Variants in TRPS1 observed in about 807,000 individuals in gnomAD.
TRPS1 encodes transcriptional repressor GATA binding 1, also known as zinc finger transcription factor Trps1.
Under a neutral mutation model 101.2 loss-of-function variants are expected in TRPS1, and 6 were observed. The observed-to-expected ratio is 0.06, with a 90% CI of 0.03 to 0.12. The LOEUF (loss-of-function observed/expected upper bound fraction) is 0.12, where lower values mean the gene tolerates loss of function less well. TRPS1 is among the 10% of genes least tolerant of loss of function. The pLI is 1.00. For synonymous variants in TRPS1, 578 were observed against 589.8 expected (o/e 0.98, Z 0.29); for missense variants, 1,363 against 1,567.0 (o/e 0.87, Z 2.20).
At chr8:115,458,719 G>C (rs1432064948) in intron 5 of TRPS1, among the ~76,000 whole-genome samples, 1 of 152,206 alleles carries the variant, frequency 6.6e-6, no homozygotes, top group Non-Finnish European at 1.5e-5. Context: ...ACAGAACACA[G>C]AATCAGCATG....
rs1334914415 is a variant in TRPS1 at position 115,409,272 on chromosome 8, A to AAACAAAAC, written c.*4750_*4751insGTTTTGTT. 4 of 149,222 alleles carry AAACAAAAC rather than the reference A, an allele frequency of 2.7e-5. No homozygotes were observed. Among genetic ancestry groups the AAACAAAAC allele is most frequent in the African/African-American group, 9.9e-5 (4 of 40,460 alleles). 9.2% of individuals were successfully genotyped at this position (149,222 alleles called of 1,614,324 possible). A position where few individuals can be genotyped will look rare whatever the true frequency, so the allele number is the denominator to read the frequency against. The stretch of plus-strand genomic sequence containing the variant: ...AGTTTATATGTTGGGAAAAAAAAAA[A>AAACAAAAC]AAAAAAAAACAGGGGAAAACCAGAA... On this transcript the variant is annotated 3_prime_UTR_variant, in exon 7 of 7. Coordinates refer to ENST00000395715, the MANE Select transcript of TRPS1 (RefSeq NM_014112.5).
chr8:115,534,062 A>C (rs1816218643), intron 5 of TRPS1, among the ~76,000 whole-genome samples: 1 of 149,612 alleles, frequency 6.7e-6, no homozygotes, highest in South Asian at 2.1e-4. Context: ...CTGGGGATTG[A>C]AGATCTAACC....
intron 1 of TRPS1, among the ~76,000 whole-genome samples, chr8:115,628,661 A>AT (rs1818566908): frequency 6.6e-6 from 1 of 151,918 alleles, no homozygotes; most frequent in African/African-American, 2.4e-5. Flanking sequence ...ACAGGCTTAG[A>AT]AAGCTTCAAC....
intron 5 of TRPS1, among the ~76,000 whole-genome samples, chr8:115,540,537 A>T (rs956988027): frequency 2.6e-5 from 4 of 152,100 alleles, no homozygotes; most frequent in African/African-American, 9.6e-5. Context: ...ATTACTGCAG[A>T]ATTCATCTTA....
Position 115,587,324 on chromosome 8 carries a change from C to G in TRPS1, c.2377G>C (p.Val793Leu). The G allele has an allele frequency of 1.2e-6, 2 of 1,614,226 alleles. No homozygotes were observed. The highest frequency in any genetic ancestry group is 1.7e-6 in the Non-Finnish European group (2 of 1,180,034). ...LEEKDGLKEK[V>L]WTESSSDDLR... The stretch of plus-strand genomic sequence containing the variant: ...TCATCACTGGAACTCTCGGTCCAAA[C>G]TTTCTCTTTGAGCCCGTCCTTCTCT... Residue 793 changes from valine (V) to leucine (L), a missense_variant, in exon 5 of 7, where the codon GTT becomes CTT. Transcript: ENST00000395715.
intron 5 of TRPS1, among the ~76,000 whole-genome samples, chr8:115,577,674 C>T (rs933258385): frequency 1.3e-5 from 2 of 151,720 alleles, no homozygotes; most frequent in Non-Finnish European, 2.9e-5. Flanking sequence ...GCATCAATAA[C>T]AGAAAAAAAG....
intron 5 of TRPS1, among the ~76,000 whole-genome samples, chr8:115,489,249 T>C (rs191702164): frequency 2.8e-4 from 42 of 152,342 alleles, no homozygotes; most frequent in Admixed American, 4.6e-4. Flanking sequence ...CATATTGTCT[T>C]ATTTCATTTT....
chr8:115,425,456 G>C (rs1245524422), intron 5 of TRPS1, among the ~76,000 whole-genome samples: 1 of 152,154 alleles, frequency 6.6e-6, no homozygotes, highest in Non-Finnish European at 1.5e-5. Flanking sequence ...CTCTGGCTAA[G>C]AGCAATAGAA....
chr8:115,544,374 G>A (rs1816523748), intron 5 of TRPS1, among the ~76,000 whole-genome samples: 1 of 151,860 alleles, frequency 6.6e-6, no homozygotes, highest in Non-Finnish European at 1.5e-5. Flanking sequence ...TGTCATGAAT[G>A]TGACCTATAA....
At position 115,423,965 on chromosome 8, in the gene TRPS1, A is replaced by C. The variant is rs1201451145; in HGVS notation, c.2701-5513T>G. Among the ~76,000 whole-genome samples, 6 of 152,338 alleles carry C rather than the reference A, an allele frequency of 3.9e-5. No homozygotes were observed. The East Asian group carries it at 1.2e-3, about 29-fold the overall frequency. ...TGATTTCATCTGATTAATATGAAGT[A>C]AATTTGATTGAATGATTTATTAAAG... is the stretch of plus-strand genomic sequence containing the variant. On this transcript the variant is annotated intron_variant, in intron 5 of 6. Transcript: ENST00000395715.
chr8:115,575,541 T>C (rs1469369251), intron 5 of TRPS1, among the ~76,000 whole-genome samples: 3 of 152,104 alleles, frequency 2.0e-5, no homozygotes, highest in African/African-American at 7.2e-5. Flanking sequence ...TATATCTTGA[T>C]AGGAAAGATA....
At chr8:115,533,436 G>GTTTTCTTTTTTTT (rs1816187836) in intron 5 of TRPS1, among the ~76,000 whole-genome samples, 1 of 34,986 alleles carries the variant, frequency 2.9e-5, no homozygotes, top group African/African-American at 1.0e-4. Context: ...CATGTAATCT[G>GTTTTCTTTTTTTT]TTTTTTTTTT....
intron 1 of TRPS1, among the ~76,000 whole-genome samples, chr8:115,627,887 T>A (rs1171682793): frequency 6.6e-6 from 1 of 151,814 alleles, no homozygotes; most frequent in Non-Finnish European, 1.5e-5. Flanking sequence ...ATCTAATAGA[T>A]GCTTACCATA....
chr8:115,533,449 T>TGTTTTTTTTTG (rs1182320214), intron 5 of TRPS1, among the ~76,000 whole-genome samples: 2 of 123,322 alleles, frequency 1.6e-5, no homozygotes, highest in African/African-American at 8.3e-5. Flanking sequence ...TTTTTTTTTT[T>TGTTTTTTTTTG]TTTTTTTTTT....
intron 4 of TRPS1, among the ~76,000 whole-genome samples, chr8:115,593,874 T>A (rs1028485689): frequency 1.3e-5 from 2 of 152,162 alleles, no homozygotes; most frequent in African/African-American, 4.8e-5. Context: ...CCTCTTCAAT[T>A]TTTTTAATCA....
At chr8:115,536,555 A>G (rs1816328004) in intron 5 of TRPS1, among the ~76,000 whole-genome samples, 1 of 151,334 alleles carries the variant, frequency 6.6e-6, no homozygotes, top group South Asian at 2.1e-4. Flanking sequence ...ATTTCACAGC[A>G]TTGTAAAATG....
At chr8:115,643,496 A>G (rs1449515867) in intron 1 of TRPS1, among the ~76,000 whole-genome samples, 1 of 152,206 alleles carries the variant, frequency 6.6e-6, no homozygotes, top group East Asian at 1.9e-4. Flanking sequence ...CTTTAAGAAA[A>G]AGCAACACCT....
chr8:115,558,373 A>C (rs1426329440), intron 5 of TRPS1, among the ~76,000 whole-genome samples: 1 of 152,204 alleles, frequency 6.6e-6, no homozygotes, highest in African/African-American at 2.4e-5. Flanking sequence ...AAAATCAGAA[A>C]ACAAGCCAGT....
chr8:115,535,267 T>TATATATAGC (rs1354029706), intron 5 of TRPS1, among the ~76,000 whole-genome samples: 4 of 142,780 alleles, frequency 2.8e-5, no homozygotes, highest in Non-Finnish European at 4.6e-5. Context: ...ATATATAGCA[T>TATATATAGC]ATATATAGCA....
Sources: gnomAD v4.1 joint callset for allele counts (sites outside exome capture counted in the v4.1 genomes callset) on GRCh38, gnomAD v4.1.1 for gene constraint, MANE v1.5 for transcripts, NCBI Gene and HGNC (gene_info 2026-07-23, HGNC 2026-07-21) for gene names.